Variants in HOMER1 observed in about 807,000 individuals in gnomAD.
HOMER1 encodes homer protein homolog 1.
In HOMER1, 3 loss-of-function variants were observed where a neutral mutation model predicts 48.9. The observed-to-expected ratio is 0.06, with a 90% CI of 0.03 to 0.16. The LOEUF is 0.16. HOMER1 is among the 10% of genes least tolerant of loss of function. The pLI, the probability that HOMER1 is intolerant of heterozygous loss-of-function variation, is 1.00. For synonymous variants in HOMER1, 134 were observed against 146.4 expected (o/e 0.92, Z 0.61); for missense variants, 247 against 411.4 (o/e 0.60, Z 3.46).
intron 5 of HOMER1, among the ~76,000 whole-genome samples, chr5:79,421,455 TATAAC>T (rs2112247296): frequency 6.6e-6 from 1 of 152,318 alleles, no homozygotes; most frequent in East Asian, 1.9e-4. Flanking sequence ...AAAGAAATAA[TATAAC>T]ATATAAGGAA....
chr5:79,457,051 A>G, intron 1 of HOMER1, 33 bp from the exon 2 acceptor site: 1 of 1,608,766 alleles, frequency 6.2e-7, no homozygotes. Flanking sequence ...ATGGACTGAA[A>G]GCAGCCAGTT....
intron 6 of HOMER1, 69 bp from the exon 7 acceptor site, chr5:79,397,706 C>T: frequency 1.2e-6 from 1 of 832,988 alleles, no homozygotes; most frequent in South Asian, 1.6e-5. Context: ...AAATACATAG[C>T]CCCAAATAAG....
chr5:79,506,286 A>G (rs953963310), intron 1 of HOMER1, among the ~76,000 whole-genome samples: 15 of 151,978 alleles, frequency 9.9e-5, no homozygotes, highest in Non-Finnish European at 1.9e-4. Flanking sequence ...AAAAAAGATT[A>G]TATGTGTTGA....
At chr5:79,446,418 G>A (rs1407061694) in intron 4 of HOMER1, among the ~76,000 whole-genome samples, 1 of 152,126 alleles carries the variant, frequency 6.6e-6, no homozygotes, top group Non-Finnish European at 1.5e-5. Flanking sequence ...TCTAGGACCA[G>A]CAAGTATAAT....
At position 79,375,850 on chromosome 5, in the gene HOMER1, T is replaced by G. The variant is rs893818660; in HGVS notation, c.*159A>C. 4.9e-5 allele frequency: 21 copies of G among 429,008 alleles called. No homozygotes were observed. The East Asian group carries it at 7.4e-4, about 15-fold the overall frequency. The allele number at this position is 429,008 out of a possible 1,614,324, so 26.6% of individuals were successfully genotyped here. On this transcript the variant is annotated 3_prime_UTR_variant, in exon 9 of 9. Transcript: ENST00000334082. ...ACAAGCTGGATTCTAAAATTTACAGTGAAATATACAATTCCAATTTCAAAA... is the reference window on the plus strand; with the variant it reads ...ACAAGCTGGATTCTAAAATTTACAGGGAAATATACAATTCCAATTTCAAAA...
intron 1 of HOMER1, among the ~76,000 whole-genome samples, chr5:79,505,471 T>C (rs1752742749): frequency 6.6e-6 from 1 of 152,166 alleles, no homozygotes; most frequent in Admixed American, 6.5e-5. Flanking sequence ...AGTTTTTTGT[T>C]TGTATTTAAT....
In HOMER1 at chr5:79,512,852, T is replaced by C; in HGVS notation, c.-78A>G. 6.8e-7 allele frequency: 1 copy of C among 1,461,292 alleles called. No homozygotes were observed. The highest frequency in any genetic ancestry group is 9.6e-7 in the Non-Finnish European group (1 of 1,042,152). The allele number at this position is 1,461,292 out of a possible 1,614,324, so 90.5% of individuals were successfully genotyped here. On this transcript the variant is annotated 5_prime_UTR_variant, in exon 1 of 9. In the 5' UTR this introduces an upstream ATG that the reference lacks. Transcript: ENST00000334082. ...CTTCCAAAGGAATTTCTCCGTCTGCTATTTCGCAGTTGCTTTTCCACCCCC... is the reference window on the plus strand; with the variant it reads ...CTTCCAAAGGAATTTCTCCGTCTGCCATTTCGCAGTTGCTTTTCCACCCCC...
intron 6 of HOMER1, among the ~76,000 whole-genome samples, 193 bp downstream of exon 6, chr5:79,401,706 G>A (rs984888229): frequency 1.3e-5 from 2 of 152,080 alleles, no homozygotes; most frequent in Non-Finnish European, 2.9e-5. Context: ...TTCAAAAGGC[G>A]TATATTCTTC....
intron 4 of HOMER1, among the ~76,000 whole-genome samples, chr5:79,441,792 C>T (rs929926416): frequency 6.6e-5 from 10 of 152,186 alleles, no homozygotes; most frequent in African/African-American, 2.4e-4. Flanking sequence ...CTCTTTCCCT[C>T]CAACTACCGC....
intron 8 of HOMER1, among the ~76,000 whole-genome samples, chr5:79,388,770 A>C (rs1203942806): frequency 6.6e-6 from 1 of 152,054 alleles, no homozygotes; most frequent in African/African-American, 2.4e-5. Flanking sequence ...TTCAATTATT[A>C]CTTATTATTT....
At chr5:79,376,916 C>G (rs556262255) in intron 8 of HOMER1, among the ~76,000 whole-genome samples, 32 of 152,174 alleles carry the variant, frequency 2.1e-4, no homozygotes, top group Non-Finnish European at 3.7e-4. Context: ...AGAATAAACT[C>G]TGGCACACTT....
At chr5:79,427,770 CTTCCTTTCCTTCA>C (rs1260436313) in intron 5 of HOMER1, among the ~76,000 whole-genome samples, 1 of 134,258 alleles carries the variant, frequency 7.4e-6, no homozygotes, top group Non-Finnish European at 1.5e-5. Context: ...CCCTTCCTTC[CTTCCTTTCCTTCA>C]TTTCCTTCCT....
At chr5:79,378,726 A>G (rs1309843262) in intron 8 of HOMER1, among the ~76,000 whole-genome samples, 1 of 152,006 alleles carries the variant, frequency 6.6e-6, no homozygotes, top group Non-Finnish European at 1.5e-5. Context: ...ACCAGGCACC[A>G]CCCAGTTTGC....
intron 4 of HOMER1, among the ~76,000 whole-genome samples, chr5:79,446,735 T>A (rs1239925679): frequency 6.6e-6 from 1 of 151,006 alleles, no homozygotes; most frequent in Non-Finnish European, 1.5e-5. Flanking sequence ...GACCTCCCAG[T>A]CAAGTGATCC....
intron 1 of HOMER1, chr5:79,510,367 T>C (rs1752907605): frequency 3.7e-6 from 2 of 535,324 alleles, no homozygotes; most frequent in Non-Finnish European, 3.5e-6. Flanking sequence ...ACAGCCCCCT[T>C]AGTATTAAAT....
intron 4 of HOMER1, among the ~76,000 whole-genome samples, chr5:79,439,565 AG>A (rs1291712973): frequency 2.0e-5 from 3 of 152,138 alleles, no homozygotes; most frequent in Non-Finnish European, 4.4e-5. Flanking sequence ...AGATAATGGA[AG>A]GGGTACAGGA....
At chr5:79,488,217 T>C (rs1394772886) in intron 1 of HOMER1, among the ~76,000 whole-genome samples, 1 of 152,202 alleles carries the variant, frequency 6.6e-6, no homozygotes, top group Admixed American at 6.5e-5. Flanking sequence ...CAGACAACTA[T>C]GTAAGTTAGA....
intron 8 of HOMER1, among the ~76,000 whole-genome samples, chr5:79,387,067 C>T (rs1290284940): frequency 8.6e-6 from 1 of 115,608 alleles, no homozygotes; most frequent in Non-Finnish European, 1.6e-5. Flanking sequence ...TCTTTCCTTT[C>T]TTTCTCTATC....
chr5:79,394,900 A>G (rs990409202), intron 8 of HOMER1, among the ~76,000 whole-genome samples: 4 of 152,246 alleles, frequency 2.6e-5, no homozygotes, highest in Non-Finnish European at 4.4e-5. Flanking sequence ...CAACATTAGA[A>G]ATTTGATATA....
Sources: allele counts gnomAD v4.1 joint callset (sites outside exome capture counted in the v4.1 genomes callset), GRCh38; gene constraint gnomAD v4.1.1; transcripts MANE v1.5; gene names NCBI Gene and HGNC (gene_info 2026-07-23, HGNC 2026-07-21).